Variants in LHFPL3 observed in about 807,000 individuals in gnomAD.
LHFPL3 encodes LHFPL tetraspan subfamily member 3 protein.
A neutral mutation model predicts 19.3 loss-of-function variants in LHFPL3; 5 were observed. The ratio of observed to expected loss-of-function variants is 0.26; its 90% CI spans 0.14 to 0.54. The LOEUF (loss-of-function observed/expected upper bound fraction) is 0.54, where lower values mean the gene tolerates loss of function less well. LHFPL3 is among the 20% of genes least tolerant of loss of function. The pLI is 0.94. For synonymous variants in LHFPL3, 133 were observed against 126.2 expected (o/e 1.05, Z -0.36); for missense variants, 249 against 307.4 (o/e 0.81, Z 1.42).
intron 1 of LHFPL3, among the ~76,000 whole-genome samples, chr7:104,693,147 T>C (rs1396748230): frequency 6.6e-6 from 1 of 152,164 alleles, no homozygotes; most frequent in East Asian, 1.9e-4. Context: ...TGTAGCCCCT[T>C]TGTTTTGGCC....
intron 2 of LHFPL3, among the ~76,000 whole-genome samples, chr7:104,771,451 T>A (rs1038481893): frequency 5.9e-5 from 9 of 152,184 alleles, no homozygotes; most frequent in African/African-American, 2.2e-4. Context: ...GGGCTCTTTT[T>A]ACTGGAAAAT....
intron 1 of LHFPL3, among the ~76,000 whole-genome samples, chr7:104,601,663 C>T (rs1207088705): frequency 6.6e-6 from 1 of 152,192 alleles, no homozygotes; most frequent in African/African-American, 2.4e-5. Context: ...TTATTGCCCA[C>T]AGCTGGCTCT....
At chr7:104,375,022 T>C (rs1414234901) in intron 1 of LHFPL3, among the ~76,000 whole-genome samples, 2 of 152,248 alleles carry the variant, frequency 1.3e-5, no homozygotes, top group Admixed American at 6.5e-5. Context: ...TCATTTCAAT[T>C]TGTAATGAAT....
At chr7:104,902,678 C>T (rs540782397) in intron 2 of LHFPL3, among the ~76,000 whole-genome samples, 7 of 152,178 alleles carry the variant, frequency 4.6e-5, no homozygotes, top group Admixed American at 3.9e-4. Context: ...CACAGCTACT[C>T]GGGAAGCTTA....
chr7:104,809,122 T>G (rs140431306), intron 2 of LHFPL3, among the ~76,000 whole-genome samples: 1,528 of 152,290 alleles, frequency 0.01, 10 homozygotes, highest in Non-Finnish European at 0.015. Context: ...CTTGAACTCC[T>G]GTCCTCAAGT....
intron 1 of LHFPL3, among the ~76,000 whole-genome samples, chr7:104,501,196 A>T (rs1484894494): frequency 6.6e-6 from 1 of 152,238 alleles, no homozygotes; most frequent in Non-Finnish European, 1.5e-5. Context: ...TGAATTCCAA[A>T]TATTATTCCT....
chr7:104,388,762 A>G (rs1324022469), intron 1 of LHFPL3, among the ~76,000 whole-genome samples: 1 of 152,162 alleles, frequency 6.6e-6, no homozygotes, highest in African/African-American at 2.4e-5. Context: ...TAATAGAGTA[A>G]TGGACAAAAA....
intron 1 of LHFPL3, among the ~76,000 whole-genome samples, chr7:104,347,944 G>A (rs759397173): frequency 1.7e-4 from 26 of 151,564 alleles, no homozygotes; most frequent in Admixed American, 2.6e-4. Context: ...ACACAAAACT[G>A]ATGTCACAAT....
At chr7:104,734,787 A>G (rs1793772998) in intron 1 of LHFPL3, among the ~76,000 whole-genome samples, 2 of 152,066 alleles carry the variant, frequency 1.3e-5, no homozygotes, top group South Asian at 4.1e-4. Flanking sequence ...GGAGGAGGAG[A>G]GGTGCTCTGA....
chr7:104,690,363 C>T (rs1297715407), intron 1 of LHFPL3, among the ~76,000 whole-genome samples: 1 of 152,274 alleles, frequency 6.6e-6, no homozygotes, highest in African/African-American at 2.4e-5. Context: ...GCTGGCAAGG[C>T]CAGCAATATA....
intron 1 of LHFPL3, among the ~76,000 whole-genome samples, chr7:104,365,975 T>G (rs13230587): frequency 1.3e-5 from 2 of 152,098 alleles, no homozygotes; most frequent in African/African-American, 4.8e-5. Context: ...GCAGACCCAG[T>G]TGGCATGGCG....
At chr7:104,455,340 A>G (rs777590047) in intron 1 of LHFPL3, among the ~76,000 whole-genome samples, 15 of 151,730 alleles carry the variant, frequency 9.9e-5, no homozygotes, top group Non-Finnish European at 1.9e-4. Flanking sequence ...AATTTGGACA[A>G]TTATACATGG....
chr7:104,692,539 T>A (rs146773888), intron 1 of LHFPL3, among the ~76,000 whole-genome samples: 33 of 152,330 alleles, frequency 2.2e-4, no homozygotes, highest in Non-Finnish European at 3.7e-4. Flanking sequence ...GAACATACAC[T>A]CCAGGCCATT....
At chr7:104,866,908 C>CA (rs1320786593) in intron 2 of LHFPL3, among the ~76,000 whole-genome samples, 1 of 152,138 alleles carries the variant, frequency 6.6e-6, no homozygotes, top group African/African-American at 2.4e-5. Context: ...AACTAGAACT[C>CA]AGGATTAAGA....
intron 1 of LHFPL3, among the ~76,000 whole-genome samples, chr7:104,700,409 C>T (rs914023812): frequency 6.6e-6 from 1 of 152,236 alleles, no homozygotes; most frequent in African/African-American, 2.4e-5. Context: ...CTTCTTCACT[C>T]ATTGCCCATG....
intron 1 of LHFPL3, among the ~76,000 whole-genome samples, chr7:104,450,123 G>T (rs1473478325): frequency 2.0e-5 from 3 of 152,134 alleles, no homozygotes; most frequent in Non-Finnish European, 2.9e-5. Flanking sequence ...GTGGTCTTGT[G>T]AGTTTTCCTG....
chr7:104,343,262 C>A (rs1789992862), intron 1 of LHFPL3, among the ~76,000 whole-genome samples: 1 of 151,852 alleles, frequency 6.6e-6, no homozygotes, highest in Non-Finnish European at 1.5e-5. Context: ...CACCTGTAAT[C>A]TCAGCACTTT....
chr7:104,468,853 G>A (rs1792847467), intron 1 of LHFPL3, among the ~76,000 whole-genome samples: 2 of 151,946 alleles, frequency 1.3e-5, no homozygotes, highest in Admixed American at 1.3e-4. Flanking sequence ...TAGAGACAGG[G>A]TTTCACCATG....
chr7:104,347,109 A>C (rs544451050), intron 1 of LHFPL3, among the ~76,000 whole-genome samples: 1 of 152,024 alleles, frequency 6.6e-6, no homozygotes, highest in South Asian at 2.1e-4. Flanking sequence ...AACATTGATA[A>C]ACATTAGGTA....
Sources: allele counts gnomAD v4.1 joint callset (sites outside exome capture counted in the v4.1 genomes callset), GRCh38; gene constraint gnomAD v4.1.1; transcripts MANE v1.5; gene names NCBI Gene and HGNC (gene_info 2026-07-23, HGNC 2026-07-21).